The following PRKCE variants were observed in gnomAD, a reference collection of about 807,000 sequenced individuals.
PRKCE encodes the protein protein kinase C epsilon type.
Under a neutral mutation model 85.4 loss-of-function variants are expected in PRKCE, and 16 were observed. That is an observed-to-expected ratio of 0.19 (90% CI 0.13 to 0.28). The LOEUF is 0.28. Ranked by LOEUF, PRKCE falls within the 10% of genes least tolerant of loss-of-function variation. The pLI is 1.00. For synonymous variants in PRKCE, 388 were observed against 371.5 expected (o/e 1.04, Z -0.51); for missense variants, 573 against 975.2 (o/e 0.59, Z 5.49).
At chr2:45,784,780 G>A (rs932617966) in intron 1 of PRKCE, among the ~76,000 whole-genome samples, 4 of 152,172 alleles carry the variant, frequency 2.6e-5, no homozygotes, top group Non-Finnish European at 4.4e-5. Context: ...ATGAACCTAT[G>A]GGGATAGAAA....
In PRKCE at chr2:46,082,712, C is replaced by A. The variant is rs544795773; in HGVS notation, c.1438-3496C>A. On this transcript the variant is annotated intron_variant, in intron 10 of 14. Coordinates refer to ENST00000306156, the MANE Select transcript of PRKCE (RefSeq NM_005400.3). ...AAGCCCATGAGAGAGGCAGAGAAAACCCTGCCAGAAATTTAGGGGGGAAGC... is the reference window on the plus strand; with the variant it reads ...AAGCCCATGAGAGAGGCAGAGAAAAACCTGCCAGAAATTTAGGGGGGAAGC... 2.0e-5 allele frequency among the ~76,000 whole-genome samples: 3 copies of A among 152,280 alleles called. No individual in the cohort carries two copies. The East Asian group carries it at 5.8e-4, about 29-fold the overall frequency.
chr2:45,769,453 G>A (rs975768692), intron 1 of PRKCE, among the ~76,000 whole-genome samples: 3 of 152,138 alleles, frequency 2.0e-5, no homozygotes, highest in Non-Finnish European at 4.4e-5. Context: ...ATGCGTATCT[G>A]ATGGTTGTGT....
intron 2 of PRKCE, among the ~76,000 whole-genome samples, chr2:45,920,597 A>T (rs1351766327): frequency 1.3e-5 from 2 of 152,228 alleles, no homozygotes; most frequent in Admixed American, 6.5e-5. Flanking sequence ...ATGACCCTTG[A>T]TGATATTAAG....
At chr2:45,886,536 C>T (rs1573750851) in intron 2 of PRKCE, among the ~76,000 whole-genome samples, 1 of 152,186 alleles carries the variant, frequency 6.6e-6, no homozygotes, top group Non-Finnish European at 1.5e-5. Flanking sequence ...AGTAAAAACC[C>T]AGAACTACCT....
chr2:45,663,587 T>C (rs1675775512), intron 1 of PRKCE, among the ~76,000 whole-genome samples: 1 of 152,130 alleles, frequency 6.6e-6, no homozygotes, highest in Non-Finnish European at 1.5e-5. Flanking sequence ...ATCGAGACCA[T>C]CCTGGCTAAC....
intron 6 of PRKCE, among the ~76,000 whole-genome samples, chr2:45,993,437 A>G (rs1202491481): frequency 6.6e-6 from 1 of 152,128 alleles, no homozygotes; most frequent in Non-Finnish European, 1.5e-5. Context: ...TTTTTTACAT[A>G]TTAAGATGAG....
intron 6 of PRKCE, among the ~76,000 whole-genome samples, chr2:45,993,670 T>C (rs1476871181): frequency 1.3e-5 from 2 of 152,132 alleles, no homozygotes; most frequent in Non-Finnish European, 2.9e-5. Flanking sequence ...TTTATTCTCT[T>C]TTCCGTCACT....
Position 45,895,911 on chromosome 2 carries a change from T to G in PRKCE, c.412+52848T>G, listed in dbSNP as rs1192869498. 3.3e-5 allele frequency among the ~76,000 whole-genome samples: 5 copies of G among 152,178 alleles called. No individual in the cohort carries two copies. Among genetic ancestry groups the G allele is most frequent in the Admixed American group, 3.3e-4 (5 of 15,274 alleles). ...CCCAGAGGAGTTGGTGTCTGGGCTGTGGCTGAAGTTCACCGTGTGACACTG... is the reference window on the plus strand; with the variant it reads ...CCCAGAGGAGTTGGTGTCTGGGCTGGGGCTGAAGTTCACCGTGTGACACTG... On this transcript the variant is annotated intron_variant, in intron 2 of 14. Coordinates refer to ENST00000306156, the MANE Select transcript of PRKCE (RefSeq NM_005400.3). The surrounding 1 kb of genome is among the most constrained non-coding windows in gnomAD (Gnocchi z 4.8).
chr2:45,677,445 T>C (rs940859278), intron 1 of PRKCE, among the ~76,000 whole-genome samples: 3 of 148,964 alleles, frequency 2.0e-5, no homozygotes, highest in South Asian at 2.2e-4. Context: ...CAAGCTCCGC[T>C]TCCCGGGTTC....
intron 2 of PRKCE, among the ~76,000 whole-genome samples, chr2:45,853,989 G>A (rs1352727631): frequency 6.6e-6 from 1 of 152,094 alleles, no homozygotes; most frequent in Non-Finnish European, 1.5e-5. Context: ...CATCCCACCA[G>A]CATTCCCCTG....
intron 10 of PRKCE, among the ~76,000 whole-genome samples, chr2:46,020,783 T>G (rs1387990127): frequency 6.6e-6 from 1 of 152,168 alleles, no homozygotes; most frequent in Non-Finnish European, 1.5e-5. Context: ...GAAGGAGAGA[T>G]ATGACAAGGC....
At chr2:45,779,895 T>C (rs1415455690) in intron 1 of PRKCE, among the ~76,000 whole-genome samples, 2 of 152,196 alleles carry the variant, frequency 1.3e-5, no homozygotes, top group African/African-American at 4.8e-5. Context: ...TTTAAACATA[T>C]GCAAACCTAG....
intron 6 of PRKCE, among the ~76,000 whole-genome samples, chr2:45,994,214 G>A (rs763145405): frequency 1.3e-5 from 2 of 152,134 alleles, no homozygotes; most frequent in Non-Finnish European, 2.9e-5. Context: ...CTCCACACAT[G>A]CACGGCCTCC....
intron 1 of PRKCE, among the ~76,000 whole-genome samples, chr2:45,791,722 G>A (rs1687046318): frequency 6.6e-6 from 1 of 152,184 alleles, no homozygotes; most frequent in Non-Finnish European, 1.5e-5. Flanking sequence ...CTTGATGCTG[G>A]GTTAATGCGC....
At chr2:45,984,705 C>G (rs757364637) in intron 6 of PRKCE, 25 bp downstream of exon 6, 16 of 1,586,068 alleles carry the variant, frequency 1.0e-5, no homozygotes, top group African/African-American at 1.3e-5. Context: ...GCCCTGCCCT[C>G]AGCCCCTGCA....
At chr2:45,802,623 G>C (rs1408987910) in intron 1 of PRKCE, among the ~76,000 whole-genome samples, 1 of 152,134 alleles carries the variant, frequency 6.6e-6, no homozygotes, top group Non-Finnish European at 1.5e-5. Flanking sequence ...AAAGCAAATG[G>C]AGTAAGCCCT....
At chr2:45,953,036 A>T (rs771258943) in intron 2 of PRKCE, among the ~76,000 whole-genome samples, 20 of 152,214 alleles carry the variant, frequency 1.3e-4, no homozygotes, top group Non-Finnish European at 2.5e-4. Flanking sequence ...AGTGTTTGAG[A>T]TAATGAAATG....
At chr2:45,882,031 G>C (rs1465019871) in intron 2 of PRKCE, among the ~76,000 whole-genome samples, 1 of 152,178 alleles carries the variant, frequency 6.6e-6, no homozygotes, top group Non-Finnish European at 1.5e-5. Context: ...GGGGGGAAAG[G>C]TGTTTCTGTA....
At chr2:46,175,218 G>T (rs1679308724) in intron 14 of PRKCE, among the ~76,000 whole-genome samples, 1 of 152,212 alleles carries the variant, frequency 6.6e-6, no homozygotes, top group South Asian at 2.1e-4. Context: ...GTTCTTTTGG[G>T]TGGGTCACAT....
Sources: gnomAD v4.1 joint callset for allele counts (sites outside exome capture counted in the v4.1 genomes callset) on GRCh38, gnomAD v4.1.1 for gene constraint, Gnocchi (gnomAD v3.1) non-coding constraint, MANE v1.5 for transcripts, NCBI Gene and HGNC (gene_info 2026-07-23, HGNC 2026-07-21) for gene names.